The following FRMD4A variants were observed in gnomAD, a reference collection of about 807,000 sequenced individuals.
FRMD4A encodes FERM domain containing 4A, also known as FERM domain-containing protein 4A.
In FRMD4A, 29 loss-of-function variants were observed where a neutral mutation model predicts 129.1. That is an observed-to-expected ratio of 0.22 (90% CI 0.17 to 0.31). The LOEUF (loss-of-function observed/expected upper bound fraction) is 0.31. Ranked by LOEUF, FRMD4A falls within the 10% of genes least tolerant of loss-of-function variation. FRMD4A has a pLI of 1.00. For synonymous variants in FRMD4A, 634 were observed against 571.6 expected, an observed-to-expected ratio of 1.11 and a Z score of -1.56; for missense variants, 1,272 against 1,375.8, an observed-to-expected ratio of 0.92 and a Z score of 1.19.
At chr10:14,132,247 C>A (rs1839299751) in intron 2 of FRMD4A, among the ~76,000 whole-genome samples, 1 of 152,102 alleles carries the variant, frequency 6.6e-6, no homozygotes, top group Non-Finnish European at 1.5e-5. Context: ...GAGATCATGC[C>A]TCAGTACTCC....
At chr10:14,164,680 A>G (rs1841082613) in intron 2 of FRMD4A, among the ~76,000 whole-genome samples, 1 of 152,084 alleles carries the variant, frequency 6.6e-6, no homozygotes, top group Non-Finnish European at 1.5e-5. Context: ...TTCTCCACTC[A>G]CCATTTCCAT....
intron 7 of FRMD4A, 115 bp from the exon 8 acceptor site, chr10:13,761,784 T>A: frequency 1.5e-6 from 1 of 684,864 alleles, no homozygotes; most frequent in South Asian, 2.0e-5. Flanking sequence ...TTCAGCTTCC[T>A]GCAGTTATCA....
intron 2 of FRMD4A, among the ~76,000 whole-genome samples, chr10:14,225,770 G>T (rs962682401): frequency 6.6e-6 from 1 of 152,208 alleles, no homozygotes; most frequent in African/African-American, 2.4e-5. Flanking sequence ...GAAGAAGCTG[G>T]TTAGACAGAC....
intron 6 of FRMD4A, among the ~76,000 whole-genome samples, chr10:13,764,136 A>T (rs1167602639): frequency 6.6e-6 from 1 of 151,860 alleles, no homozygotes; most frequent in African/African-American, 2.4e-5. Flanking sequence ...CCATGATACC[A>T]TTACCACAAC....
At chr10:14,040,057 C>T (rs1269846059) in intron 2 of FRMD4A, among the ~76,000 whole-genome samples, 1 of 152,110 alleles carries the variant, frequency 6.6e-6, no homozygotes, top group African/African-American at 2.4e-5. Flanking sequence ...CTCACAACAG[C>T]CCATATGGTG....
chr10:13,816,127 C>T (rs2093538333), intron 3 of FRMD4A, among the ~76,000 whole-genome samples: 2 of 152,196 alleles, frequency 1.3e-5, no homozygotes, highest in Non-Finnish European at 1.5e-5. Flanking sequence ...AAAGGTCAGT[C>T]CCATTACTTT....
intron 2 of FRMD4A, among the ~76,000 whole-genome samples, chr10:14,144,536 T>C (rs1839987261): frequency 6.6e-6 from 1 of 152,192 alleles, no homozygotes; most frequent in African/African-American, 2.4e-5. Flanking sequence ...GAGTTTCTGC[T>C]TGAAACCACC....
intron 2 of FRMD4A, among the ~76,000 whole-genome samples, chr10:13,897,466 G>A (rs2094771260): frequency 6.6e-6 from 1 of 152,136 alleles, no homozygotes; most frequent in Admixed American, 6.6e-5. Flanking sequence ...AAGGGATGGA[G>A]AAGGGTGATA....
At chr10:14,190,880 G>A (rs1219301343) in intron 2 of FRMD4A, among the ~76,000 whole-genome samples, 2 of 152,318 alleles carry the variant, frequency 1.3e-5, no homozygotes, top group South Asian at 2.1e-4. Flanking sequence ...CCTTGGGCAT[G>A]CGCAGTTATC....
At chr10:13,826,818 ATATT>A (rs2093708062) in intron 3 of FRMD4A, among the ~76,000 whole-genome samples, 2 of 152,174 alleles carry the variant, frequency 1.3e-5, no homozygotes, top group African/African-American at 4.8e-5. Flanking sequence ...GGGCTGAAAA[ATATT>A]TATTCCTAAA....
chr10:14,239,586 C>T (rs929171908), intron 2 of FRMD4A, among the ~76,000 whole-genome samples: 3 of 152,024 alleles, frequency 2.0e-5, no homozygotes, highest in Non-Finnish European at 4.4e-5. Flanking sequence ...GAGATTGCGC[C>T]ACTGCACTCC....
chr10:14,003,685 T>C (rs1307179456), intron 2 of FRMD4A: 2 of 151,878 alleles, frequency 1.3e-5, no homozygotes, highest in Non-Finnish European at 2.9e-5. Flanking sequence ...CAGCAGAGAA[T>C]ACAGACAGAA....
rs866898972 is a variant in FRMD4A at position 14,260,115 on chromosome 10, G to A, written c.45+69943C>T. 2.6e-5 allele frequency among the ~76,000 whole-genome samples: 4 copies of A among 152,160 alleles called. No homozygotes were observed. The South Asian group carries it at 8.3e-4, about 32-fold the overall frequency. ...GGCTATCACTTGACATTGTGCAGGAGGGAGAACATCGTGGAAAGAAGAAGA... is the reference window on the plus strand; with the variant it reads ...GGCTATCACTTGACATTGTGCAGGAAGGAGAACATCGTGGAAAGAAGAAGA... On this transcript the variant is annotated intron_variant, in intron 2 of 24. Coordinates refer to ENST00000357447, the MANE Select transcript of FRMD4A (RefSeq NM_018027.5).
At chr10:14,289,689 G>A (rs374339468) in intron 2 of FRMD4A, among the ~76,000 whole-genome samples, 2 of 152,176 alleles carry the variant, frequency 1.3e-5, no homozygotes, top group East Asian at 3.9e-4. Context: ...ACTTCTAACG[G>A]TGGGAACAAA....
chr10:13,684,750 G>A (rs2084923550), intron 15 of FRMD4A: 1 of 983,866 alleles, frequency 1.0e-6, no homozygotes, highest in African/African-American at 1.7e-5. Context: ...GACAGAGAAG[G>A]GGTGCTTTCC....
chr10:13,832,143 T>G (rs901039832), intron 3 of FRMD4A, among the ~76,000 whole-genome samples: 26 of 149,172 alleles, frequency 1.7e-4, no homozygotes, highest in African/African-American at 6.5e-4. Flanking sequence ...AGAACCGAGT[T>G]GCCGGCCCAG....
intron 2 of FRMD4A, among the ~76,000 whole-genome samples, chr10:14,232,340 G>C (rs2131989708): frequency 6.6e-6 from 1 of 152,286 alleles, no homozygotes. Context: ...TAGCCCTTCA[G>C]TATAGTTTGA....
intron 2 of FRMD4A, among the ~76,000 whole-genome samples, chr10:13,955,690 A>G (rs936644588): frequency 1.3e-5 from 2 of 152,232 alleles, no homozygotes; most frequent in South Asian, 2.1e-4. Flanking sequence ...TTATTTGCCA[A>G]CGTGGAGCCA....
chr10:13,797,788 T>C (rs925329176), intron 4 of FRMD4A, among the ~76,000 whole-genome samples: 15 of 152,214 alleles, frequency 9.9e-5, no homozygotes, highest in Admixed American at 9.2e-4. Flanking sequence ...AAAATCTGTC[T>C]GCATCATTGT....
Sources: allele counts gnomAD v4.1 joint callset (sites outside exome capture counted in the v4.1 genomes callset), GRCh38; gene constraint gnomAD v4.1.1; transcripts MANE v1.5; gene names NCBI Gene and HGNC (gene_info 2026-07-23, HGNC 2026-07-21).